Variants in NRG1 observed in about 807,000 individuals in gnomAD.
NRG1 encodes neuregulin 1, also known as pro-neuregulin-1, membrane-bound isoform.
Under a neutral mutation model 63.8 loss-of-function variants are expected in NRG1, and 18 were observed. The ratio of observed to expected loss-of-function variants is 0.28; its 90% CI spans 0.19 to 0.42. NRG1 has a LOEUF of 0.42. NRG1 is among the 10% of genes least tolerant of loss of function. The pLI, the probability that NRG1 is intolerant of heterozygous loss-of-function variation, is 1.00. For missense variants in NRG1, 762 were observed against 814.7 expected (o/e 0.94, Z 0.79); for synonymous variants, 302 against 301.3 (o/e 1.00, Z -0.02).
chr8:32,362,998 C>T (rs896877547), intron 1 of NRG1, among the ~76,000 whole-genome samples: 11 of 152,172 alleles, frequency 7.2e-5, no homozygotes, highest in African/African-American at 2.7e-4. Flanking sequence ...TGCAAGGCCA[C>T]ATGCGCATGG....
At chr8:32,381,181 A>G (rs1488606893) in intron 1 of NRG1, among the ~76,000 whole-genome samples, 1 of 152,204 alleles carries the variant, frequency 6.6e-6, no homozygotes, top group Non-Finnish European at 1.5e-5. Context: ...TAAATATACC[A>G]AGCAGATTCT....
chr8:32,716,272 G>A (rs1173518781), intron 5 of NRG1, among the ~76,000 whole-genome samples: 1 of 152,172 alleles, frequency 6.6e-6, no homozygotes, highest in Non-Finnish European at 1.5e-5. Context: ...TTGAGTAAAT[G>A]GCAAATCTCA....
chr8:31,728,757 T>C (rs1813712236), intron 1 of NRG1, among the ~76,000 whole-genome samples: 1 of 152,206 alleles, frequency 6.6e-6, no homozygotes, highest in South Asian at 2.1e-4. Flanking sequence ...CAAAGGTAAA[T>C]GCAACTGTAC....
At chr8:32,534,546 G>T (rs946144166) in intron 1 of NRG1, among the ~76,000 whole-genome samples, 8 of 152,174 alleles carry the variant, frequency 5.3e-5, no homozygotes, top group Non-Finnish European at 1.2e-4. Flanking sequence ...AACATGGAAA[G>T]TGTGATTGAA....
chr8:31,972,405 G>GCC (rs1807445175), intron 1 of NRG1, among the ~76,000 whole-genome samples: 1 of 152,070 alleles, frequency 6.6e-6, no homozygotes, highest in South Asian at 2.1e-4. Flanking sequence ...ATGTCGACAG[G>GCC]AATCTACTTT....
intron 1 of NRG1, among the ~76,000 whole-genome samples, chr8:32,584,900 C>T (rs73586690): frequency 0.028 from 4,283 of 152,070 alleles, 133 homozygotes; most frequent in South Asian, 0.11. Flanking sequence ...CTCATCTTAC[C>T]TGGGAATTTA....
At chr8:32,318,511 T>G (rs1801019963) in intron 1 of NRG1, among the ~76,000 whole-genome samples, 1 of 152,262 alleles carries the variant, frequency 6.6e-6, no homozygotes, top group East Asian at 1.9e-4. Context: ...AACAGGCTGG[T>G]CCAAACATCC....
At chr8:32,395,116 T>G (rs963569696) in intron 1 of NRG1, among the ~76,000 whole-genome samples, 9 of 152,198 alleles carry the variant, frequency 5.9e-5, no homozygotes, top group African/African-American at 2.2e-4. Flanking sequence ...GTGACCTTTT[T>G]CACGTCCCCT....
chr8:31,956,284 A>C (rs1224955876), intron 1 of NRG1, among the ~76,000 whole-genome samples: 2 of 152,126 alleles, frequency 1.3e-5, no homozygotes, highest in Non-Finnish European at 2.9e-5. Flanking sequence ...ATGTGTAGGC[A>C]CAGGGTGACT....
intron 1 of NRG1, among the ~76,000 whole-genome samples, chr8:31,745,267 C>T (rs538123122): frequency 4.6e-5 from 7 of 151,874 alleles, no homozygotes; most frequent in Non-Finnish European, 7.4e-5. Context: ...GCTTGTCCCC[C>T]GACACAGGGA....
chr8:32,606,643 T>G (rs145543074), intron 3 of NRG1, among the ~76,000 whole-genome samples: 71 of 152,286 alleles, frequency 4.7e-4, no homozygotes, highest in African/African-American at 1.5e-3. Flanking sequence ...AAATGCTATT[T>G]TAAAACCTTT....
chr8:32,544,889 GA>G (rs1832926735), upstream of NRG1, among the ~76,000 whole-genome samples: 1 of 151,940 alleles, frequency 6.6e-6, no homozygotes, highest in Non-Finnish European at 1.5e-5. Context: ...TGGTTGTTTT[GA>G]AGTTGACTCT....
At chr8:32,109,281 A>C (rs1398848994) in intron 1 of NRG1, among the ~76,000 whole-genome samples, 1 of 152,174 alleles carries the variant, frequency 6.6e-6, no homozygotes, top group Non-Finnish European at 1.5e-5. Context: ...CGCTGTTAGT[A>C]TAGAGGCACA....
chr8:31,925,984 T>C (rs919766712), intron 1 of NRG1, among the ~76,000 whole-genome samples: 1 of 152,222 alleles, frequency 6.6e-6, no homozygotes, highest in African/African-American at 2.4e-5. Context: ...TGTATGTATG[T>C]ATGCTTGGTA....
downstream of NRG1, among the ~76,000 whole-genome samples, chr8:32,772,430 T>C (rs1379134918): frequency 6.6e-6 from 1 of 152,128 alleles, no homozygotes; most frequent in Non-Finnish European, 1.5e-5. Context: ...TTATCCTTCA[T>C]TTAAATGAAA....
intron 1 of NRG1, among the ~76,000 whole-genome samples, chr8:31,740,740 A>T (rs199885277): frequency 6.6e-6 from 1 of 151,968 alleles, no homozygotes; most frequent in East Asian, 1.9e-4. Context: ...CAAATACAAG[A>T]GGAAGAGCAG....
chr8:31,956,663 A>G (rs1804490919), intron 1 of NRG1, among the ~76,000 whole-genome samples: 1 of 152,146 alleles, frequency 6.6e-6, no homozygotes, highest in South Asian at 2.1e-4. Context: ...GCTCTACTTG[A>G]TTACTTGATT....
intron 1 of NRG1, among the ~76,000 whole-genome samples, chr8:32,192,629 G>T (rs1417614529): frequency 6.6e-6 from 1 of 151,978 alleles, no homozygotes; most frequent in Non-Finnish European, 1.5e-5. Context: ...TAACTATTGG[G>T]TACCATGCTC....
At chr8:32,361,455 G>C (rs1807206224) in intron 1 of NRG1, among the ~76,000 whole-genome samples, 1 of 152,004 alleles carries the variant, frequency 6.6e-6, no homozygotes, top group African/African-American at 2.4e-5. Flanking sequence ...GTGTTTTAGG[G>C]GTCTCAAGCC....
Sources: gnomAD v4.1 joint callset for allele counts (sites outside exome capture counted in the v4.1 genomes callset) on GRCh38, gnomAD v4.1.1 for gene constraint, MANE v1.5 for transcripts, NCBI Gene and HGNC (gene_info 2026-07-23, HGNC 2026-07-21) for gene names.